ZNF516: variants seen among roughly 807,000 people sequenced by gnomAD.
ZNF516 encodes zinc finger protein 516.
ZNF516 carries 19 observed loss-of-function variants against 79.7 expected under a neutral mutation model. That is an observed-to-expected ratio of 0.24 (90% CI 0.17 to 0.35). ZNF516 has a LOEUF of 0.35. Among genes scored for constraint, ZNF516 ranks in the 10% least tolerant of loss-of-function variants. ZNF516 has a pLI of 1.00. For missense variants in ZNF516, 1,678 were observed against 1,679.5 expected, an observed-to-expected ratio of 1.00 and a Z score of 0.02; for synonymous variants, 877 against 739.5, an observed-to-expected ratio of 1.19 and a Z score of -3.02.
Position 76,360,646 on chromosome 18 carries a change from A to AATATATATATATATATATAT in ZNF516, c.*1832_*1851dup, listed in dbSNP as rs61233300. The AATATATATATATATATATAT allele has an allele frequency of 1.4e-5, 1 of 72,494 alleles. No homozygotes were observed. The highest frequency in any genetic ancestry group is 2.7e-5 in the Non-Finnish European group (1 of 36,934). The allele number at this position is 72,494 out of a possible 1,614,324, so 4.5% of individuals were successfully genotyped here. Reference sequence around the variant, plus strand: ...AAAAAAATAAGTAAAAAAAAAAAAAAATATATATATATATATATATATATA... The same window carrying AATATATATATATATATATAT: ...AAAAAAATAAGTAAAAAAAAAAAAAAATATATATATATATATATATATATATATATATATATATATATATA... On this transcript the variant is annotated 3_prime_UTR_variant, in exon 7 of 7. Coordinates refer to ENST00000443185, the MANE Select transcript of ZNF516 (RefSeq NM_014643.4).
chr18:76,472,411 GT>G (rs1295174411), intron 1 of ZNF516, among the ~76,000 whole-genome samples: 1 of 152,082 alleles, frequency 6.6e-6, no homozygotes, highest in Non-Finnish European at 1.5e-5. Context: ...ACTTGCAAAC[GT>G]GCACCTATAC....
At chr18:76,489,342 T>C (rs987541750) in intron 1 of ZNF516, among the ~76,000 whole-genome samples, 6 of 152,248 alleles carry the variant, frequency 3.9e-5, no homozygotes, top group African/African-American at 1.2e-4. Flanking sequence ...TGTTGGAGTA[T>C]ACCTCATTTC....
At chr18:76,383,969 G>A (rs886572029) in intron 3 of ZNF516, among the ~76,000 whole-genome samples, 1 of 152,202 alleles carries the variant, frequency 6.6e-6, no homozygotes, top group African/African-American at 2.4e-5. Context: ...CACAGCCAAG[G>A]TTTCCTTACT....
chr18:76,408,056 C>CAGA (rs2075325467), intron 3 of ZNF516, among the ~76,000 whole-genome samples: 1 of 152,158 alleles, frequency 6.6e-6, no homozygotes, highest in African/African-American at 2.4e-5. Context: ...TTAAAAGGAC[C>CAGA]AGAAGGCTTT....
chr18:76,424,687 G>C (rs1185579085), intron 3 of ZNF516, among the ~76,000 whole-genome samples: 8 of 127,994 alleles, frequency 6.3e-5, no homozygotes, highest in African/African-American at 2.1e-4. Flanking sequence ...AGGTGAAAAG[G>C]CTCCCCCGAA....
At chr18:76,460,892 A>G (rs935424592) in intron 2 of ZNF516, among the ~76,000 whole-genome samples, 3 of 152,178 alleles carry the variant, frequency 2.0e-5, no homozygotes, top group African/African-American at 7.2e-5. Flanking sequence ...GCCTTTTTAA[A>G]CAACATACTG....
At chr18:76,380,407 A>T in intron 3 of ZNF516, 104 bp from the exon 4 acceptor site, 1 of 1,445,540 alleles carries the variant, frequency 6.9e-7, no homozygotes, top group Non-Finnish European at 9.2e-7. Context: ...ATCTGTCTTC[A>T]GCGGGAGAAG....
chr18:76,469,939 A>G (rs575929495), intron 1 of ZNF516, among the ~76,000 whole-genome samples: 6 of 152,352 alleles, frequency 3.9e-5, no homozygotes, highest in Non-Finnish European at 7.4e-5. Flanking sequence ...TTAAAATTGT[A>G]CTCAGGAAAT....
chr18:76,492,253 C>T (rs530792354), intron 1 of ZNF516: 1 of 985,468 alleles, frequency 1.0e-6, no homozygotes. Flanking sequence ...CGGCTCAGGT[C>T]GGGTCCGTAC....
At chr18:76,375,199 C>G (rs1247588814) in intron 4 of ZNF516, among the ~76,000 whole-genome samples, 1 of 152,156 alleles carries the variant, frequency 6.6e-6, no homozygotes, top group African/African-American at 2.4e-5. Context: ...CTTCTGGCTA[C>G]AACACTTTAA....
intron 1 of ZNF516, among the ~76,000 whole-genome samples, chr18:76,480,267 T>C (rs1364818029): frequency 6.6e-6 from 1 of 151,940 alleles, no homozygotes; most frequent in African/African-American, 2.4e-5. Context: ...AATAAAACTA[T>C]CATTAACATT....
At chr18:76,419,325 T>C (rs1599058298) in intron 3 of ZNF516, among the ~76,000 whole-genome samples, 1 of 152,354 alleles carries the variant, frequency 6.6e-6, no homozygotes, top group East Asian at 1.9e-4. Flanking sequence ...AAGGGACACG[T>C]GTATCAAATG....
chr18:76,371,666 T>C, intron 4 of ZNF516, 95 bp from the exon 5 acceptor site: 5 of 951,660 alleles, frequency 5.3e-6, no homozygotes, highest in Non-Finnish European at 6.5e-6. Context: ...GAGGAAAACA[T>C]CATTAGTCTG....
rs889497150 is a variant in ZNF516 at position 76,478,726 on chromosome 18, A to G, written c.-271-15585T>C. 2.0e-5 allele frequency among the ~76,000 whole-genome samples: 3 copies of G among 152,214 alleles called. No individual in the cohort carries two copies. In the East Asian group the frequency reaches 5.8e-4, roughly 29 times the overall value. On this transcript the variant is annotated intron_variant, in intron 1 of 6. Coordinates refer to ENST00000443185, the MANE Select transcript of ZNF516 (RefSeq NM_014643.4). ...CACTCTCAGTTCTGTATCAAAGTTT[A>G]TTAAAATGCTTACATTTGCAGCTTT...
intron 1 of ZNF516, among the ~76,000 whole-genome samples, chr18:76,491,445 A>C (rs1443586559): frequency 8.4e-6 from 1 of 118,636 alleles, no homozygotes; most frequent in Non-Finnish European, 1.8e-5. Context: ...GCCCGCACAG[A>C]CCCCCGCCTT....
At chr18:76,485,194 T>C (rs1206891662) in intron 1 of ZNF516, among the ~76,000 whole-genome samples, 1 of 152,218 alleles carries the variant, frequency 6.6e-6, no homozygotes, top group Non-Finnish European at 1.5e-5. Flanking sequence ...ATTTAAATTA[T>C]GCTTGGTGTT....
intron 3 of ZNF516, among the ~76,000 whole-genome samples, chr18:76,398,852 A>G (rs1367600640): frequency 6.6e-6 from 1 of 152,220 alleles, no homozygotes; most frequent in Non-Finnish European, 1.5e-5. Flanking sequence ...CGATGCATAA[A>G]TGTCCAAAAA....
intron 3 of ZNF516, among the ~76,000 whole-genome samples, chr18:76,398,825 T>A (rs1312459807): frequency 2.6e-5 from 4 of 152,222 alleles, no homozygotes; most frequent in African/African-American, 7.2e-5. Context: ...CATGGCTTTC[T>A]ACAACTTTTT....
At chr18:76,421,328 C>T (rs1599060754) in intron 3 of ZNF516, among the ~76,000 whole-genome samples, 1 of 152,308 alleles carries the variant, frequency 6.6e-6, no homozygotes, top group South Asian at 2.1e-4. Context: ...GTCCTGGCTG[C>T]CAGAGGTATG....
Sources: allele counts gnomAD v4.1 joint callset (sites outside exome capture counted in the v4.1 genomes callset), GRCh38; gene constraint gnomAD v4.1.1; transcripts MANE v1.5; gene names NCBI Gene and HGNC (gene_info 2026-07-23, HGNC 2026-07-21).